WAS: variants seen among roughly 807,000 people sequenced by gnomAD.
WAS encodes the protein WASP actin nucleation promoting factor, also known as actin nucleation-promoting factor WAS.
A neutral mutation model predicts 38.9 loss-of-function variants in WAS; 1 was observed. The observed-to-expected ratio is 0.03, with a 90% CI of 0.01 to 0.12. WAS has a LOEUF of 0.12. WAS is among the 10% of genes least tolerant of loss of function. WAS has a pLI of 1.00. For missense variants in WAS, 311 were observed against 431.2 expected, an observed-to-expected ratio of 0.72 and a Z score of 2.47; for synonymous variants, 182 against 173.6, an observed-to-expected ratio of 1.05 and a Z score of -0.38.
At chrX:48,687,334 G>A (rs188698425) in intron 7 of WAS, among the ~76,000 whole-genome samples, 2 of 111,542 alleles carry the variant, frequency 1.8e-5, no homozygotes, top group Admixed American at 1.9e-4. Context: ...GGTAGATGAT[G>A]GATGAGAAGG....
chrX:48,689,144 A>G (rs1389012057), intron 10 of WAS, 78 bp downstream of exon 10: 1 of 1,072,048 alleles, frequency 9.3e-7, no homozygotes, highest in African/African-American at 1.8e-5. Context: ...TGGGGGGCTG[A>G]GGCCAGGACT....
rs1557006480 is a variant in WAS, at chrX:48,685,579, C to T, written c.306C>T (p.Tyr102=). The T allele has an allele frequency of 1.7e-6, 2 of 1,202,191 alleles. No individual in the cohort carries two copies. Among genetic ancestry groups the T allele is most frequent in the Non-Finnish European group, 2.2e-6 (2 of 890,752 alleles). The part of the protein sequence containing the change: ...AGRLLWEQEL[Y]SQLVYSTPTP... The stretch of plus-strand genomic sequence containing the variant: ...GGCTGCTCTGGGAACAGGAGCTGTA[C>T]TCACAGCTTGTCTACTCCACCCCCA... Residue 102 remains tyrosine, a synonymous_variant, in exon 3 of 12, where the codon TAC becomes TAT. Coordinates refer to ENST00000376701, the MANE Select transcript of WAS (RefSeq NM_000377.3).
chrX:48,680,773 T>C (rs2062399078), upstream of WAS, among the ~76,000 whole-genome samples: 1 of 111,968 alleles, frequency 8.9e-6, no homozygotes, highest in Non-Finnish European at 1.9e-5. Context: ...AAGAAATAAC[T>C]GTAAGTATCC....
At chrX:48,678,055 C>CT (rs1458149382) in intron 1 of WAS, among the ~76,000 whole-genome samples, 26 of 111,614 alleles carry the variant, frequency 2.3e-4, no homozygotes, top group Non-Finnish European at 4.1e-4. Flanking sequence ...AGGTCTGGTG[C>CT]TGGGGGGCTG....
rs377442612 is a variant in WAS at position 48,689,397 on chromosome X, C to T, written c.1416C>T (p.His472=). 3.3e-6 allele frequency: 4 copies of T among 1,207,726 alleles called. No individual in the cohort carries two copies. The African/African-American group carries it at 7.0e-5, about 21-fold the overall frequency. Residue 472 remains histidine (H), a synonymous_variant, in exon 11 of 12, where the codon CAC becomes CAT. Transcript: ENST00000376701. The part of the protein sequence containing the change: ...SSEGLVGALM[H]VMQKRSRAIH... ...AGGGACTGGTGGGGGCCCTGATGCA[C>T]GTGATGCAGAAGAGAAGCAGAGCCA... is the stretch of plus-strand genomic sequence containing the variant.
chrX:48,679,029 TTTC>T (rs1451598649), upstream of WAS, among the ~76,000 whole-genome samples: 1 of 110,004 alleles, frequency 9.1e-6, no homozygotes, highest in Non-Finnish European at 1.9e-5. Flanking sequence ...TAAGTTTTTC[TTTC>T]TTTTTTTTTT....
intron 11 of WAS, among the ~76,000 whole-genome samples, chrX:48,689,824 G>A: frequency 9.2e-6 from 1 of 108,281 alleles, no homozygotes; most frequent in Non-Finnish European, 1.9e-5. Context: ...GTGAGACCTC[G>A]TTTCCATAAA....
chrX:48,681,432 G>A (rs1419031643), upstream of WAS, among the ~76,000 whole-genome samples: 2 of 112,246 alleles, frequency 1.8e-5, no homozygotes, highest in African/African-American at 6.5e-5. Flanking sequence ...GCCTCCCAAA[G>A]TGCTGGGATT....
At chrX:48,678,175 G>T (rs2062394649) in intron 1 of WAS, among the ~76,000 whole-genome samples, 1 of 112,085 alleles carries the variant, frequency 8.9e-6, no homozygotes, top group African/African-American at 3.3e-5. Context: ...GGGTCTGAGG[G>T]TTGGGAAATG....
chrX:48,683,027 G>A (rs2062406547), upstream of WAS, among the ~76,000 whole-genome samples: 1 of 111,655 alleles, frequency 9.0e-6, no homozygotes, highest in Non-Finnish European at 1.9e-5. Flanking sequence ...CACGATAGGC[G>A]TGGATCACAG....
At chrX:48,686,589 G>C (rs781840555) in intron 6 of WAS, among the ~76,000 whole-genome samples, 192 bp from the exon 7 acceptor site, 2 of 112,382 alleles carry the variant, frequency 1.8e-5, no homozygotes, top group East Asian at 2.8e-4. Context: ...AAACATGAAT[G>C]AATCAGTGAA....
chrX:48,688,961 C>T lies in WAS; in HGVS notation c.1233C>T (p.Ala411=). Residue 411 remains alanine, a synonymous_variant, in exon 10 of 12, where the codon GCC becomes GCT. Transcript: ENST00000376701. ...CGCCCAGCTCCGGGAATGGACCAGC[C>T]CCTCCCCCACTCCCTCCTGCTCTGG... The part of the protein sequence containing the change: ...PPPPSSGNGP[A]PPPLPPALVP... 1 of 1,177,447 alleles carries T rather than the reference C, an allele frequency of 8.5e-7. No individual in the cohort carries two copies. The highest frequency in any genetic ancestry group is 1.1e-6 in the Non-Finnish European group (1 of 878,327).
upstream of WAS, among the ~76,000 whole-genome samples, chrX:48,680,739 C>T (rs1425852208): frequency 1.8e-5 from 2 of 111,836 alleles, no homozygotes; most frequent in Admixed American, 1.9e-4. Context: ...CATGAATAAT[C>T]CACCCCTTGT....
rs782028654 is a variant in WAS at position 48,691,347 on chromosome X, T to A, written c.*185T>A. 1.4e-5 allele frequency: 6 copies of A among 437,788 alleles called. No homozygotes were observed. Among genetic ancestry groups the A allele is most frequent in the Non-Finnish European group, 2.4e-5 (6 of 251,637 alleles). The allele number at this position is 437,788 out of a possible 1,213,427, so 36.1% of individuals were successfully genotyped here. On this transcript the variant is annotated 3_prime_UTR_variant, in exon 12 of 12. Transcript: ENST00000376701. Reference sequence around the variant, plus strand: ...CTCACCCAACAATCCCAAGGCCCTTTTTATACAAAAATTCTCAGTTCTCTT... The same window carrying A: ...CTCACCCAACAATCCCAAGGCCCTTATTATACAAAAATTCTCAGTTCTCTT...
chrX:48,691,321 A>G lies in WAS; in HGVS notation c.*159A>G. 2.0e-6 allele frequency: 1 copy of G among 488,297 alleles called. No homozygotes were observed. The highest frequency in any genetic ancestry group is 3.7e-5 in the East Asian group (1 of 26,823). 40.2% of individuals were successfully genotyped at this position (488,297 alleles called of 1,213,427 possible). A position where few individuals can be genotyped will look rare whatever the true frequency, so the allele number is the denominator to read the frequency against. ...GCTGTTATCCCTGCCTGGTCCTCAC[A>G]CTCACCCAACAATCCCAAGGCCCTT... On this transcript the variant is annotated 3_prime_UTR_variant, in exon 12 of 12. Transcript: ENST00000376701.
At position 48,686,958 on chromosome X, in the gene WAS, G is replaced by A. The variant is rs782061167; in HGVS notation, c.734+3G>A. On this transcript the variant is annotated splice_donor_region_variant and intron_variant, in intron 7 of 11. Transcript: ENST00000376701. ...ATTGGTGCACCCAGTGGATTCAAGT[G>A]AGAGCCACTCCCCAGTGGACCCACA... The A allele has an allele frequency of 8.3e-6, 10 of 1,201,293 alleles. No homozygotes were observed. The highest frequency in any genetic ancestry group is 1.0e-5 in the Non-Finnish European group (9 of 889,764).
chrX:48,681,193 G>A (rs139891145), upstream of WAS, among the ~76,000 whole-genome samples: 742 of 110,826 alleles, frequency 6.7e-3, 10 homozygotes, highest in African/African-American at 0.024. Flanking sequence ...TTTTTGAGAT[G>A]GAGTCTTGCT....
chrX:48,686,131 G>A lies in WAS; in HGVS notation c.556G>A (p.Gly186Arg). The A allele has an allele frequency of 8.2e-7, 1 of 1,212,149 alleles. No homozygotes were observed. The highest frequency in any genetic ancestry group is 1.1e-6 in the Non-Finnish European group (1 of 895,456). The stretch of plus-strand genomic sequence containing the variant: ...GCCCCTGCATCCAGGTGGAGACCAA[G>A]GAGGTGCGTGCTGATTCTTCCCTGT... ...PLPLHPGGDQ[G>R]GPPVGPLSLG... Residue 186 changes from glycine (G) to arginine (R), a missense_variant, in exon 6 of 12, where the codon GGA (glycine) becomes AGA (arginine). Physicochemically the swap from Gly to Arg is moderately radical, Grantham distance 125 (BLOSUM62 -2). This residue lies in a region of WAS where 74 missense variants were observed against 131.2 expected (regional missense o/e 0.56). Transcript: ENST00000376701.
Position 48,689,316 on chromosome X carries a change from G to A in WAS, c.1339-4G>A, listed in dbSNP as rs782436940. ...CCCTCTGTGCTGATCCCTGCCTGCT[G>A]CAGACCCCTGGGGCCCCAGAGAGCT... On this transcript the variant is annotated splice_polypyrimidine_tract_variant and splice_region_variant and intron_variant, in intron 10 of 11. Coordinates refer to ENST00000376701, the MANE Select transcript of WAS (RefSeq NM_000377.3). The A allele has an allele frequency of 1.2e-5, 14 of 1,194,199 alleles. No homozygotes were observed. In the Admixed American group the frequency reaches 3.2e-4, roughly 27 times the overall value.
Sources: allele counts gnomAD v4.1 joint callset (sites outside exome capture counted in the v4.1 genomes callset), GRCh38; gene constraint gnomAD v4.1.1; regional missense constraint gnomAD v4.1.1; transcripts MANE v1.5; gene names NCBI Gene and HGNC (gene_info 2026-07-23, HGNC 2026-07-21).